ZNF676: variants seen among roughly 807,000 people sequenced by gnomAD.
ZNF676 encodes the protein zinc finger protein 676.
A neutral mutation model predicts 6.0 loss-of-function variants in ZNF676; 4 were observed. The observed-to-expected ratio is 0.67, with a 90% CI of 0.33 to 1.53. The LOEUF is 1.53. Ranked by LOEUF, ZNF676 falls within the 40% of genes most tolerant of loss-of-function variation. ZNF676 has a pLI of 0.06. For missense variants in ZNF676, 644 were observed against 679.7 expected (o/e 0.95, Z 0.58); for synonymous variants, 198 against 223.1 (o/e 0.89, Z 1.00).
the ZNF676 span, among the ~76,000 whole-genome samples, chr19:22,228,323 T>A: frequency 6.6e-6 from 1 of 152,152 alleles, no homozygotes; most frequent in Admixed American, 6.5e-5. Context: ...TGCTAAAAAC[T>A]CTCAATAAAC....
intron 1 of ZNF676, among the ~76,000 whole-genome samples, chr19:22,194,689 T>C (rs1728737429): frequency 6.6e-6 from 1 of 151,982 alleles, no homozygotes; most frequent in Non-Finnish European, 1.5e-5. Context: ...ATTGGGCGAA[T>C]CAGTGCCGCT....
intron 1 of ZNF676, among the ~76,000 whole-genome samples, chr19:22,210,285 G>A (rs2024116044): frequency 6.6e-6 from 1 of 152,052 alleles, no homozygotes; most frequent in South Asian, 2.1e-4. Flanking sequence ...ACACCACCCA[G>A]AGTCAGCACA....
At chr19:22,235,028 G>GAAAGAAAGAAAGAAAGA in the ZNF676 span, among the ~76,000 whole-genome samples, 5 of 62,354 alleles carry the variant, frequency 8.0e-5, no homozygotes, top group African/African-American at 3.6e-4. Context: ...AAGAAAGAAA[G>GAAAGAAAGAAAGAAAGA]AAAGAAAAGA....
At chr19:22,254,931 C>T in the ZNF676 span, among the ~76,000 whole-genome samples, 1 of 152,186 alleles carries the variant, frequency 6.6e-6, no homozygotes, top group African/African-American at 2.4e-5. Context: ...TCAAATCACT[C>T]AGTTGCTGGG....
chr19:22,221,732 C>A, the ZNF676 span, among the ~76,000 whole-genome samples: 1 of 137,924 alleles, frequency 7.3e-6, no homozygotes, highest in African/African-American at 2.8e-5. Flanking sequence ...GCCTTGGTGA[C>A]AGAGCAAGAC....
chr19:22,229,280 G>C, the ZNF676 span, among the ~76,000 whole-genome samples: 1 of 152,154 alleles, frequency 6.6e-6, no homozygotes, highest in Non-Finnish European at 1.5e-5. Flanking sequence ...AAATGGTGTT[G>C]GGAAAACTGG....
rs368247783 is a variant in ZNF676 at position 22,180,368 on chromosome 19, T to C, written c.1349A>G (p.Lys450Arg). 21 of 1,613,804 alleles carry C rather than the reference T, an allele frequency of 1.3e-5. No individual in the cohort carries two copies. The highest frequency in any genetic ancestry group is 1.6e-4 in the Middle Eastern group (1 of 6,082). ...GAAGGCTTTGCCACATTCTTCACATTTGTAGGGTTTCTCTCCAGCATGAAT... is the reference window on the plus strand; with the variant it reads ...GAAGGCTTTGCCACATTCTTCACATCTGTAGGGTTTCTCTCCAGCATGAAT... ...KRIHAGEKPY[K>R]CEECGKAFTW... The change falls in exon 3 of 3, where the codon AAA becomes AGA. Residue 450 changes from lysine to arginine, a missense_variant. Coordinates refer to ENST00000397121, the MANE Select transcript of ZNF676 (RefSeq NM_001001411.3).
chr19:22,181,162 A>T lies in ZNF676; in HGVS notation c.555T>A (p.Thr185=). Reference sequence around the variant, plus strand: ...CTCCAGTATGAATACTCTTATAATAAGTAAGGGTTGAGGACCAGTTAAAAG... The same window carrying T: ...CTCCAGTATGAATACTCTTATAATATGTAAGGGTTGAGGACCAGTTAAAAG... The part of the protein sequence containing the change: ...GKAFNWSSTL[T]YYKSIHTGEK... Residue 185 remains threonine, a synonymous_variant, in exon 3 of 3, where the codon ACT becomes ACA. Transcript: ENST00000397121. 1 of 1,613,934 alleles carries T rather than the reference A, an allele frequency of 6.2e-7. No individual in the cohort carries two copies. Among genetic ancestry groups the T allele is most frequent in the East Asian group, 2.2e-5 (1 of 44,860 alleles).
At chr19:22,222,312 G>A in the ZNF676 span, among the ~76,000 whole-genome samples, 1 of 152,038 alleles carries the variant, frequency 6.6e-6, no homozygotes, top group African/African-American at 2.4e-5. Flanking sequence ...CACCATATTG[G>A]CCAGGCTGGT....
intron 1 of ZNF676, among the ~76,000 whole-genome samples, chr19:22,202,653 G>A (rs1049220445): frequency 3.3e-5 from 5 of 152,210 alleles, no homozygotes; most frequent in African/African-American, 1.2e-4. Flanking sequence ...ATGCATTACA[G>A]TCAATTTGCT....
the ZNF676 span, chr19:22,244,967 A>T: frequency 6.6e-6 from 1 of 152,214 alleles, no homozygotes; most frequent in Non-Finnish European, 1.5e-5. Context: ...AGAAGTAGAG[A>T]GTCACATCAC....
At chr19:22,253,669 G>A in the ZNF676 span, among the ~76,000 whole-genome samples, 1 of 151,854 alleles carries the variant, frequency 6.6e-6, no homozygotes, top group Non-Finnish European at 1.5e-5. Flanking sequence ...AATTAGAAAT[G>A]AGTCACCATG....
chr19:22,228,816 T>C, the ZNF676 span, among the ~76,000 whole-genome samples: 2 of 152,096 alleles, frequency 1.3e-5, no homozygotes, highest in Non-Finnish European at 2.9e-5. Context: ...AAGGACCTTT[T>C]CAAGGAGAGC....
At chr19:22,192,011 C>T (rs1001294862) in intron 2 of ZNF676, among the ~76,000 whole-genome samples, 1 of 152,134 alleles carries the variant, frequency 6.6e-6, no homozygotes, top group African/African-American at 2.4e-5. Context: ...TTTTAAGTCA[C>T]TGAAATTGAA....
chr19:22,190,978 TA>T (rs1294965272), intron 2 of ZNF676, among the ~76,000 whole-genome samples: 1 of 152,060 alleles, frequency 6.6e-6, no homozygotes, highest in African/African-American at 2.4e-5. Context: ...CCTATTTGCT[TA>T]ACCCCCAACA....
chr19:22,233,735 G>A, the ZNF676 span, among the ~76,000 whole-genome samples: 1 of 152,162 alleles, frequency 6.6e-6, no homozygotes, highest in Non-Finnish European at 1.5e-5. Flanking sequence ...TTGTCACTTT[G>A]TGACCTCTGT....
chr19:22,253,372 G>GTGTGTATA, the ZNF676 span, among the ~76,000 whole-genome samples: 8 of 90,858 alleles, frequency 8.8e-5, no homozygotes, highest in Admixed American at 9.1e-4. Flanking sequence ...GTGTGTGTGT[G>GTGTGTATA]TATATATATA....
chr19:22,211,906 A>C (rs1355584840), intron 1 of ZNF676, among the ~76,000 whole-genome samples: 1 of 152,322 alleles, frequency 6.6e-6, no homozygotes, highest in African/African-American at 2.4e-5. Flanking sequence ...AGCTATAAAA[A>C]GCACACCTGA....
At chr19:22,238,624 G>C in the ZNF676 span, among the ~76,000 whole-genome samples, 1 of 151,942 alleles carries the variant, frequency 6.6e-6, no homozygotes, top group African/African-American at 2.4e-5. Context: ...TATTAGTCAG[G>C]GTTCTCCAGA....
Sources: gnomAD v4.1 joint callset for allele counts (sites outside exome capture counted in the v4.1 genomes callset) on GRCh38, gnomAD v4.1.1 for gene constraint, MANE v1.5 for transcripts, NCBI Gene and HGNC (gene_info 2026-07-23, HGNC 2026-07-21) for gene names.